PPARGC1A: variants seen among roughly 807,000 people sequenced by gnomAD.
PPARGC1A encodes the protein peroxisome proliferator-activated receptor gamma coactivator 1-alpha.
In PPARGC1A, 25 loss-of-function variants were observed where a neutral mutation model predicts 88.7. The observed-to-expected ratio is 0.28, with a 90% CI of 0.21 to 0.39. PPARGC1A has a LOEUF of 0.39. Among genes scored for constraint, PPARGC1A ranks in the 10% least tolerant of loss-of-function variants. The pLI is 1.00. For synonymous variants in PPARGC1A, 363 were observed against 355.6 expected (o/e 1.02, Z -0.24); for missense variants, 880 against 968.7 (o/e 0.91, Z 1.22).
the PPARGC1A span, among the ~76,000 whole-genome samples, chr4:24,068,098 C>A: frequency 1.3e-5 from 2 of 152,154 alleles, no homozygotes; most frequent in South Asian, 4.1e-4. Flanking sequence ...AGGCACAGAC[C>A]ATGTGGTCCT....
At chr4:24,302,174 A>T in the PPARGC1A span, among the ~76,000 whole-genome samples, 1 of 152,204 alleles carries the variant, frequency 6.6e-6, no homozygotes, top group Non-Finnish European at 1.5e-5. Flanking sequence ...AAATGGTTTG[A>T]TGATAGAATA....
chr4:23,963,404 A>G, the PPARGC1A span, among the ~76,000 whole-genome samples: 3 of 152,230 alleles, frequency 2.0e-5, no homozygotes, highest in African/African-American at 7.2e-5. Context: ...ATGAACTTTC[A>G]GAGTGCTCAG....
chr4:24,362,197 C>T, the PPARGC1A span, among the ~76,000 whole-genome samples: 1 of 152,164 alleles, frequency 6.6e-6, no homozygotes, highest in Non-Finnish European at 1.5e-5. Flanking sequence ...ACTTCAGATA[C>T]AGGCTGTGAT....
At chr4:23,840,855 T>C (rs143847180) in intron 2 of PPARGC1A, among the ~76,000 whole-genome samples, 18 of 152,270 alleles carry the variant, frequency 1.2e-4, no homozygotes, top group African/African-American at 4.1e-4. Context: ...CAATTTGTCT[T>C]CTTAATAATG....
chr4:24,301,768 A>T, the PPARGC1A span, among the ~76,000 whole-genome samples: 1 of 152,074 alleles, frequency 6.6e-6, no homozygotes, highest in Non-Finnish European at 1.5e-5. Flanking sequence ...ACTTGTATAC[A>T]TTGTAGGATG....
the PPARGC1A span, among the ~76,000 whole-genome samples, chr4:23,960,176 T>G: frequency 6.6e-6 from 1 of 152,140 alleles, no homozygotes; most frequent in Non-Finnish European, 1.5e-5. Flanking sequence ...GGTCTAAATA[T>G]TTATTCTTTT....
At chr4:23,831,505 G>A (rs908914408) in intron 3 of PPARGC1A, 52 bp downstream of exon 3, 88 of 1,502,154 alleles carry the variant, frequency 5.9e-5, no homozygotes, top group Non-Finnish European at 7.7e-5. Flanking sequence ...CCCATGCAGC[G>A]GGTAGCCAGA....
the PPARGC1A span, among the ~76,000 whole-genome samples, chr4:24,174,996 A>T: frequency 6.6e-6 from 1 of 152,142 alleles, no homozygotes; most frequent in African/African-American, 2.4e-5. Flanking sequence ...ACTAAATACA[A>T]ATGTCTCCCA....
the PPARGC1A span, among the ~76,000 whole-genome samples, chr4:23,947,689 T>C: frequency 6.6e-6 from 1 of 152,138 alleles, no homozygotes; most frequent in Non-Finnish European, 1.5e-5. Context: ...CTGCACTCCA[T>C]GGAGATCATG....
At chr4:23,917,073 T>C in the PPARGC1A span, among the ~76,000 whole-genome samples, 2 of 152,292 alleles carry the variant, frequency 1.3e-5, no homozygotes, top group East Asian at 1.9e-4. Flanking sequence ...GCCTGTAGAT[T>C]GACATCACTC....
the PPARGC1A span, among the ~76,000 whole-genome samples, chr4:24,115,670 C>G: frequency 3.9e-5 from 6 of 152,104 alleles, no homozygotes; most frequent in African/African-American, 1.4e-4. Context: ...ATATGGCTAC[C>G]AGAAATGCAA....
chr4:24,457,776 G>A, the PPARGC1A span, among the ~76,000 whole-genome samples: 21 of 152,018 alleles, frequency 1.4e-4, no homozygotes, highest in Admixed American at 9.8e-4. Context: ...TGTTAGCCAG[G>A]ATGGTCTCGA....
At chr4:24,365,381 T>C in the PPARGC1A span, among the ~76,000 whole-genome samples, 1 of 152,162 alleles carries the variant, frequency 6.6e-6, no homozygotes, top group African/African-American at 2.4e-5. Flanking sequence ...TGAATTTGTA[T>C]TTAAGAGGAA....
At chr4:24,052,162 T>G in the PPARGC1A span, among the ~76,000 whole-genome samples, 3 of 152,156 alleles carry the variant, frequency 2.0e-5, no homozygotes, top group African/African-American at 7.2e-5. Flanking sequence ...GAAAATCATA[T>G]AAGGGAGGAA....
the PPARGC1A span, among the ~76,000 whole-genome samples, chr4:24,337,145 A>G: frequency 1.3e-5 from 2 of 152,196 alleles, no homozygotes; most frequent in Non-Finnish European, 2.9e-5. Flanking sequence ...AAGAAATGTT[A>G]TAAAGCAAAT....
chr4:23,960,775 C>T, the PPARGC1A span, among the ~76,000 whole-genome samples: 3 of 152,076 alleles, frequency 2.0e-5, no homozygotes, highest in South Asian at 2.1e-4. Flanking sequence ...TTGCCTGAGG[C>T]CTCGGGCTCC....
At chr4:24,036,085 G>A in the PPARGC1A span, among the ~76,000 whole-genome samples, 1 of 152,180 alleles carries the variant, frequency 6.6e-6, no homozygotes, top group Non-Finnish European at 1.5e-5. Context: ...GCAAGTTACT[G>A]TGCCTCAATT....
the PPARGC1A span, among the ~76,000 whole-genome samples, chr4:24,095,765 T>A: frequency 1.3e-5 from 2 of 152,172 alleles, no homozygotes; most frequent in African/African-American, 4.8e-5. Context: ...GCAGGTCCAA[T>A]TGTCTGGTGA....
At chr4:24,165,386 G>C in the PPARGC1A span, among the ~76,000 whole-genome samples, 13 of 152,146 alleles carry the variant, frequency 8.5e-5, no homozygotes, top group Non-Finnish European at 1.8e-4. Flanking sequence ...TTCAAATGAT[G>C]AAACTCTCTG....
Sources: allele counts gnomAD v4.1 joint callset (sites outside exome capture counted in the v4.1 genomes callset), GRCh38; gene constraint gnomAD v4.1.1; transcripts MANE v1.5; gene names NCBI Gene and HGNC (gene_info 2026-07-23, HGNC 2026-07-21).